SETX: variants seen among roughly 807,000 people sequenced by gnomAD.
SETX encodes helicase senataxin.
A neutral mutation model predicts 227.2 loss-of-function variants in SETX; 90 were observed. That is an observed-to-expected ratio of 0.40 (90% confidence interval 0.33 to 0.47). The LOEUF (loss-of-function observed/expected upper bound fraction) is 0.47. SETX is among the 20% of genes least tolerant of loss of function. The pLI, the probability that SETX is intolerant of heterozygous loss-of-function variation, is 0.91. For synonymous variants in SETX, 1,210 were observed against 1,113.2 expected (o/e 1.09, Z -1.73); for missense variants, 3,052 against 3,181.5 (o/e 0.96, Z 0.98).
At chr9:132,285,210 A>C (rs1373950729) in intron 18 of SETX, among the ~76,000 whole-genome samples, 2 of 152,108 alleles carry the variant, frequency 1.3e-5, no homozygotes, top group Non-Finnish European at 2.9e-5. Flanking sequence ...ATCTGATGAT[A>C]ATTATCATAA....
At chr9:132,324,826 CTTT>C (rs1846602256) in intron 10 of SETX, among the ~76,000 whole-genome samples, 1 of 152,096 alleles carries the variant, frequency 6.6e-6, no homozygotes, top group South Asian at 2.1e-4. Flanking sequence ...ACGAAAGTTT[CTTT>C]TGAGGATTAA....
Position 132,328,325 on chromosome 9 carries a change from T to G in SETX, c.3273A>C (p.Ser1091=). The change falls in exon 10 of 26, where the codon TCA becomes TCC. Residue 1091 remains serine (S), a synonymous_variant. Coordinates refer to ENST00000224140, the MANE Select transcript of SETX (RefSeq NM_015046.7). ...FEFESSSEVF[S]VWQDHPDDNN... is the part of the protein sequence containing the mutation. The stretch of plus-strand genomic sequence containing the variant: ...TATCGTCTGGATGATCTTGCCAAAC[T>G]GAAAACACTTCAGATGAACTTTCAA... 1 of 1,614,090 alleles carries G rather than the reference T, an allele frequency of 6.2e-7. No homozygotes were observed. The highest frequency in any genetic ancestry group is 8.5e-7 in the Non-Finnish European group (1 of 1,180,012).
At position 132,272,485 on chromosome 9, in the gene SETX, AAG is replaced by A. The variant is rs56745764; in HGVS notation, c.7101-679_7101-678del. Among the ~76,000 whole-genome samples, 217 of 150,998 alleles carry A rather than the reference AAG, an allele frequency of 1.4e-3. 2 individuals are homozygous for A. The highest frequency in any genetic ancestry group is 4.4e-3 in the African/African-American group (180 of 41,078). On this transcript the variant is annotated intron_variant, in intron 23 of 25. Coordinates refer to ENST00000224140, the MANE Select transcript of SETX (RefSeq NM_015046.7). ...ATTTTTAAAGAAACTTAAAAAAAAA[AAG>A]AGAGAGAGAGAGAGACAGAGTCTCA...
chr9:132,286,404 C>T lies in SETX; in HGVS notation c.6396+19G>A, dbSNP rs952787033. The T allele has an allele frequency of 2.6e-6, 4 of 1,561,976 alleles. No individual in the cohort carries two copies. Among genetic ancestry groups the T allele is most frequent in the Non-Finnish European group, 3.5e-6 (4 of 1,144,328 alleles). ...GAAAAAAAAAAAAATCAAGAAAATG[C>T]TACAGGTGAACTACTTACCTCTTTA... On this transcript the variant is annotated intron_variant, in intron 18 of 25. Transcript: ENST00000224140.
rs1158328815 is a variant in SETX at position 132,327,540 on chromosome 9, T to C, written c.4058A>G (p.Gln1353Arg). 1.9e-6 allele frequency: 3 copies of C among 1,613,994 alleles called. No homozygotes were observed. The highest frequency in any genetic ancestry group is 1.1e-5 in the South Asian group (1 of 91,092). ...LTSQELQMQR[Q>R]IRPKSQKNRR... ...ATTTTTTTGTGATTTGGGTCTGATC[T>C]GCCTTTGCATCTGAAGTTCTTGACT... The change falls in exon 10 of 26, where the codon CAG becomes CGG. Residue 1353 changes from glutamine to arginine, a missense_variant. This residue lies in a region of SETX where 1,483 missense variants were observed against 1,312.0 expected (regional missense o/e 1.13). Transcript: ENST00000224140.
At chr9:132,332,382 T>C (rs968420032) in intron 7 of SETX, among the ~76,000 whole-genome samples, 2 of 152,216 alleles carry the variant, frequency 1.3e-5, no homozygotes, top group Admixed American at 6.5e-5. Context: ...ACTTCAGTCA[T>C]CTACAGTACT....
chr9:132,322,097 A>C (rs970018601), intron 10 of SETX, among the ~76,000 whole-genome samples: 2 of 152,182 alleles, frequency 1.3e-5, no homozygotes, highest in Non-Finnish European at 2.9e-5. Context: ...TGCCTTCCAG[A>C]GTGCAACCAT....
In SETX at chr9:132,296,881, A is replaced by G. The variant is rs769165762; in HGVS notation, c.5949+6T>C. 9 of 1,613,920 alleles carry G rather than the reference A, an allele frequency of 5.6e-6. No homozygotes were observed. The highest frequency in any genetic ancestry group is 7.6e-6 in the Non-Finnish European group (9 of 1,179,894). On this transcript the variant is annotated splice_donor_region_variant and intron_variant, in intron 14 of 25. Transcript: ENST00000224140. ...TAACAGCATCAGTGCCCTCACCCAT[A>G]CCTACCTCTGTCAGTAGACGATAGA... is the stretch of plus-strand genomic sequence containing the variant.
intron 11 of SETX, among the ~76,000 whole-genome samples, chr9:132,308,207 C>T (rs567083906): frequency 6.6e-6 from 1 of 152,174 alleles, no homozygotes; most frequent in South Asian, 2.1e-4. Context: ...AACCAGATAC[C>T]ACGTACCTGC....
At chr9:132,291,108 C>T (rs1352115947) in intron 15 of SETX, among the ~76,000 whole-genome samples, 1 of 148,560 alleles carries the variant, frequency 6.7e-6, no homozygotes, top group African/African-American at 2.5e-5. Flanking sequence ...TATCCCAGTT[C>T]AGCTCATTTT....
At chr9:132,283,089 T>C (rs890624722) in intron 19 of SETX, 175 bp downstream of exon 19, 15 of 790,272 alleles carry the variant, frequency 1.9e-5, no homozygotes, top group Non-Finnish European at 2.8e-5. Context: ...CCACTTTCAC[T>C]ATGGAGGGTC....
At chr9:132,333,728 T>TG (rs1335928078) in intron 7 of SETX, among the ~76,000 whole-genome samples, 3 of 151,766 alleles carry the variant, frequency 2.0e-5, no homozygotes, top group Non-Finnish European at 4.4e-5. Flanking sequence ...TGACTACAAG[T>TG]TTTAGGCCTC....
Position 132,262,293 on chromosome 9 carries a change from TGA to T in SETX, c.*1944_*1945del, listed in dbSNP as rs1394680881. 1 of 152,188 alleles carries T rather than the reference TGA, an allele frequency of 6.6e-6. No homozygotes were observed. Among genetic ancestry groups the T allele is most frequent in the Non-Finnish European group, 1.5e-5 (1 of 68,036 alleles). 9.4% of individuals were successfully genotyped at this position (152,188 alleles called of 1,614,324 possible). A position where few individuals can be genotyped will look rare whatever the true frequency, so the allele number is the denominator to read the frequency against. Reference sequence around the variant, plus strand: ...GTTAATAGTATTAACATGAGCAGCGTGAGAGACATCCTGACCCCAACGTTTTT... The same window carrying T: ...GTTAATAGTATTAACATGAGCAGCGTGAGACATCCTGACCCCAACGTTTTT... On this transcript the variant is annotated 3_prime_UTR_variant, in exon 26 of 26. Transcript: ENST00000224140.
intron 20 of SETX, among the ~76,000 whole-genome samples, 180 bp from the exon 21 acceptor site, chr9:132,278,437 C>CTTTTTTTTTTTTTTTTTTTTT (rs67558000): frequency 1.2e-5 from 1 of 84,832 alleles, no homozygotes. Flanking sequence ...TGCCATGAAT[C>CTTTTTTTTTTTTTTTTTTTTT]TTTTTTTTTT....
intron 6 of SETX, among the ~76,000 whole-genome samples, chr9:132,335,069 TAA>T: frequency 6.6e-6 from 1 of 152,096 alleles, no homozygotes; most frequent in South Asian, 2.1e-4. Flanking sequence ...CACGTGACCT[TAA>T]GATTTGGAAT....
intron 11 of SETX, among the ~76,000 whole-genome samples, chr9:132,305,076 G>A (rs116528822): frequency 0.25 from 37,937 of 151,802 alleles, 6,019 homozygotes; most frequent in East Asian, 0.67. Context: ...TGGGCCAGGC[G>A]CAGTGGCTCA....
intron 15 of SETX, among the ~76,000 whole-genome samples, chr9:132,293,994 A>G (rs1462714877): frequency 6.6e-6 from 1 of 152,160 alleles, no homozygotes; most frequent in Non-Finnish European, 1.5e-5. Context: ...ACTGCACTCC[A>G]GCCTGGGCGA....
chr9:132,336,082 A>G (rs914539772), intron 6 of SETX, among the ~76,000 whole-genome samples: 1 of 152,144 alleles, frequency 6.6e-6, no homozygotes, highest in Admixed American at 6.5e-5. Context: ...TCTCTACTAA[A>G]AATACAAAAA....
intron 13 of SETX, among the ~76,000 whole-genome samples, 196 bp from the exon 14 acceptor site, chr9:132,297,250 C>A (rs1313817177): frequency 6.6e-6 from 1 of 152,220 alleles, no homozygotes; most frequent in Non-Finnish European, 1.5e-5. Context: ...AAGCTAATTA[C>A]TTACTAATTA....
Sources: allele counts gnomAD v4.1 joint callset (sites outside exome capture counted in the v4.1 genomes callset), GRCh38; gene constraint gnomAD v4.1.1; regional missense constraint gnomAD v4.1.1; transcripts MANE v1.5; gene names NCBI Gene and HGNC (gene_info 2026-07-23, HGNC 2026-07-21).